The following VPS11 variants were observed in gnomAD, a reference collection of about 807,000 sequenced individuals.
VPS11 encodes the protein vacuolar protein sorting-associated protein 11 homolog.
In VPS11, 51 loss-of-function variants were observed where a neutral mutation model predicts 106.8. That is an observed-to-expected ratio of 0.48 (90% CI 0.38 to 0.60). The LOEUF (loss-of-function observed/expected upper bound fraction) is 0.60. VPS11 is among the 20% of genes least tolerant of loss of function. The pLI is 0.00. For synonymous variants in VPS11, 453 were observed against 458.7 expected, an observed-to-expected ratio of 0.99 and a Z score of 0.16; for missense variants, 950 against 1,190.0, an observed-to-expected ratio of 0.80 and a Z score of 2.97.
intron 4 of VPS11, 115 bp downstream of exon 4, chr11:119,070,512 A>G: frequency 1.7e-6 from 2 of 1,154,314 alleles, no homozygotes; most frequent in Non-Finnish European, 2.3e-6. Flanking sequence ...TAATCATATA[A>G]TTCGAATCAT....
At chr11:119,073,027 A>C in intron 5 of VPS11, 171 bp from the exon 6 acceptor site, 1 of 687,342 alleles carries the variant, frequency 1.5e-6, no homozygotes, top group Non-Finnish European at 2.4e-6. Context: ...GATCAGGTTT[A>C]TGTGTTCTCT....
In VPS11 at chr11:119,081,105, CA is replaced by C; in HGVS notation, c.2456del (p.Lys819ArgfsTer52). ...TCTTCCCTGTAGTCCTAAGATTTTCCAAAAGACCAAGTGCAGCATCTGTAAC... is the reference window on the plus strand; with the variant it reads ...TCTTCCCTGTAGTCCTAAGATTTTCCAAAGACCAAGTGCAGCATCTGTAAC... ...QELKASPKIF[Q>X]KTKCSICNSA... On this transcript the variant is annotated frameshift_variant, in exon 15 of 16. Transcript: ENST00000621676. LOFTEE classifies it high-confidence loss of function. The C allele has an allele frequency of 1.2e-6, 2 of 1,613,922 alleles. No individual in the cohort carries two copies. Among genetic ancestry groups the C allele is most frequent in the Non-Finnish European group, 1.7e-6 (2 of 1,179,810 alleles).
At chr11:119,076,744 C>T (rs1018850502) in intron 7 of VPS11, 153 bp from the exon 8 acceptor site, 1 of 888,336 alleles carries the variant, frequency 1.1e-6, no homozygotes, top group Admixed American at 2.3e-5. Context: ...CCGATATTAC[C>T]TGGGACTTTG....
At position 119,067,907 on chromosome 11, in the gene VPS11, T is replaced by C. The variant is rs1945182734; in HGVS notation, c.84T>C (p.Ala28=). ...AGCCGCTGAGCAATGATGGGGCCGC[T>C]CCCGGGGCCACACCTGCTTCTGGAT... ...VKEPLSNDGA[A]PGATPASGSA... is the part of the protein sequence containing the mutation. The change falls in exon 1 of 16, where the codon GCT becomes GCC. Residue 28 remains alanine, a synonymous_variant. Coordinates refer to ENST00000621676, the MANE Select transcript of VPS11 (RefSeq NM_021729.6). The C allele has an allele frequency of 2.5e-6, 4 of 1,604,828 alleles. No homozygotes were observed. The highest frequency in any genetic ancestry group is 2.2e-5 in the East Asian group (1 of 44,600).
At chr11:119,080,399 G>A (rs781816769) in intron 14 of VPS11, among the ~76,000 whole-genome samples, 1 of 146,058 alleles carries the variant, frequency 6.8e-6, no homozygotes, top group Admixed American at 6.9e-5. Context: ...ACGAAGTCTC[G>A]CTCTTGTCCC....
intron 15 of VPS11, 29 bp downstream of exon 15, chr11:119,081,343 G>A: frequency 6.2e-7 from 1 of 1,613,258 alleles, no homozygotes. Context: ...GATGGGCCAG[G>A]GGATTCCCAC....
At position 119,073,412 on chromosome 11, in the gene VPS11, G is replaced by C. The variant is rs782644592; in HGVS notation, c.1086+13G>C. 7.4e-6 allele frequency: 12 copies of C among 1,610,952 alleles called. No homozygotes were observed. The highest frequency in any genetic ancestry group is 1.0e-5 in the Non-Finnish European group (12 of 1,179,212). ...GACCAAACTGGAGGCAAGGCCACCAGGCTCGCAGAGCTGGCCACAGGCACC... is the reference window on the plus strand; with the variant it reads ...GACCAAACTGGAGGCAAGGCCACCACGCTCGCAGAGCTGGCCACAGGCACC... On this transcript the variant is annotated intron_variant, in intron 6 of 15. Coordinates refer to ENST00000621676, the MANE Select transcript of VPS11 (RefSeq NM_021729.6).
chr11:119,068,026 A>C lies in VPS11; in HGVS notation c.187+16A>C. The C allele has an allele frequency of 6.3e-7, 1 of 1,589,440 alleles. No individual in the cohort carries two copies. Among genetic ancestry groups the C allele is most frequent in the South Asian group, 1.1e-5 (1 of 89,116 alleles). On this transcript the variant is annotated intron_variant, in intron 1 of 15. Transcript: ENST00000621676. ...GTCTTTGGAGATATCCTTCGTTTGG[A>C]GCTGTCTTTTCCCTCCCGGGATCCC...
chr11:119,078,165 C>A lies in VPS11; in HGVS notation c.1762-8C>A, dbSNP rs781818338. ...TTCAGCCTCCTTTTTCCTCTCTTGC[C>A]ATCCTAGGCCAACTCTGAGGAGTTC... On this transcript the variant is annotated splice_region_variant and splice_polypyrimidine_tract_variant and intron_variant, in intron 10 of 15. Transcript: ENST00000621676. 3 of 1,612,502 alleles carry A rather than the reference C, an allele frequency of 1.9e-6. No homozygotes were observed. In the South Asian group the frequency reaches 3.3e-5, roughly 18 times the overall value.
At position 119,079,313 on chromosome 11, in the gene VPS11, T is replaced by TATGTGGAGGAGTCCAGG. The variant is rs1415618182; in HGVS notation, c.2438+13_2438+14insATGTGGAGGAGTCCAGG. The TATGTGGAGGAGTCCAGG allele has an allele frequency of 3.8e-6, 6 of 1,574,268 alleles. No individual in the cohort carries two copies. The Admixed American group carries it at 1.1e-4, about 30-fold the overall frequency. Reference sequence around the variant, plus strand: ...AGCTCAAGGCCAGGTACCCGGGGCATGGATATGTGGAGGAGTCCAGGGGAT... The same window carrying TATGTGGAGGAGTCCAGG: ...AGCTCAAGGCCAGGTACCCGGGGCATATGTGGAGGAGTCCAGGGGATATGTGGAGGAGTCCAGGGGAT... On this transcript the variant is annotated intron_variant, in intron 14 of 15. Transcript: ENST00000621676.
intron 5 of VPS11, 111 bp from the exon 6 acceptor site, chr11:119,073,087 G>C: frequency 2.4e-6 from 3 of 1,235,426 alleles, no homozygotes; most frequent in Non-Finnish European, 3.4e-6. Context: ...AGAGGGACCA[G>C]AGAGGTGATT....
chr11:119,072,343 A>G (rs1227574266), intron 5 of VPS11: 1 of 166,120 alleles, frequency 6.0e-6, no homozygotes, highest in Non-Finnish European at 1.3e-5. Context: ...GGTATTTGCT[A>G]CATAGCCCTA....
chr11:119,081,445 C>T lies in VPS11; in HGVS notation c.2662-14C>T. The T allele has an allele frequency of 1.2e-6, 2 of 1,613,966 alleles. No individual in the cohort carries two copies. The highest frequency in any genetic ancestry group is 1.7e-6 in the Non-Finnish European group (2 of 1,179,874). On this transcript the variant is annotated splice_polypyrimidine_tract_variant and intron_variant, in intron 15 of 15. Coordinates refer to ENST00000621676, the MANE Select transcript of VPS11 (RefSeq NM_021729.6). The stretch of plus-strand genomic sequence containing the variant: ...GATTCTGATTCGTATTCCTTCCCTC[C>T]TCTTCTCCTGCAGCTCAAGTGCTCC...
Position 119,071,828 on chromosome 11 carries a change from G to A in VPS11, c.869G>A (p.Arg290Gln), listed in dbSNP as rs534372363. Residue 290 changes from arginine to glutamine, a missense_variant, in exon 5 of 16, where the codon CGG becomes CAG. Around this residue, in one of 3 missense-constraint regions of VPS11, gnomAD observed 435 missense variants for 630.2 expected, o/e 0.69. Coordinates refer to ENST00000621676, the MANE Select transcript of VPS11 (RefSeq NM_021729.6). ...RGYLIIVSRDRKVSPKSEFTS... is the reference protein window; with the variant it reads ...RGYLIIVSRDQKVSPKSEFTS... ...TACCTTATCATTGTCTCCCGTGACC[G>A]GAAGGTTTCTCCCAAGTAAGGACTC... The A allele has an allele frequency of 1.5e-5, 25 of 1,612,942 alleles. No individual in the cohort carries two copies. Among genetic ancestry groups the A allele is most frequent in the Middle Eastern group, 1.7e-4 (1 of 6,024 alleles).
chr11:119,069,465 G>A lies in VPS11; in HGVS notation c.360G>A (p.Lys120=), dbSNP rs1375597232. The stretch of plus-strand genomic sequence containing the variant: ...AGGTTAAGATCTGGAACCTGGAGAA[G>A]AGAGATGGTGGCAATCCACTCTGCA... ...NPLVKIWNLE[K]RDGGNPLCTR... The change falls in exon 3 of 16, where the codon AAG becomes AAA. Residue 120 remains lysine (K), a synonymous_variant. Coordinates refer to ENST00000621676, the MANE Select transcript of VPS11 (RefSeq NM_021729.6). 4 of 1,613,896 alleles carry A rather than the reference G, an allele frequency of 2.5e-6. No homozygotes were observed. Among genetic ancestry groups the A allele is most frequent in the Middle Eastern group, 1.6e-4 (1 of 6,084 alleles).
At position 119,079,139 on chromosome 11, in the gene VPS11, C is replaced by G; in HGVS notation, c.2277C>G (p.Thr759=). 1 of 1,613,700 alleles carries G rather than the reference C, an allele frequency of 6.2e-7. No homozygotes were observed. Among genetic ancestry groups the G allele is most frequent in the South Asian group, 1.1e-5 (1 of 91,048 alleles). The change falls in exon 14 of 16, where the codon ACC becomes ACG. Residue 759 remains threonine, a synonymous_variant. Transcript: ENST00000621676. ...NLMPPLLVVQ[T]LAHNSTATLS... is the part of the protein sequence containing the mutation. ...GGACCCCAATCTCAGTGGTGCAGAC[C>G]CTGGCCCACAACTCCACAGCCACAC...
At chr11:119,075,482 A>G (rs1019825693) in intron 7 of VPS11, among the ~76,000 whole-genome samples, 1 of 148,680 alleles carries the variant, frequency 6.7e-6, no homozygotes, top group Non-Finnish European at 1.5e-5. Flanking sequence ...AGGCGGGTGG[A>G]TCACTTGAGG....
chr11:119,068,985 A>AGGTGATCC (rs1491142663), intron 1 of VPS11, among the ~76,000 whole-genome samples: 17 of 77,936 alleles, frequency 2.2e-4, no homozygotes, highest in African/African-American at 7.8e-4. Flanking sequence ...CCCTGACCTC[A>AGGTGATCC]GGTGATCCGC....
rs12294132 is a variant in VPS11 at position 119,073,688 on chromosome 11, C to T, written c.1087-112C>T. 1.5e-5 allele frequency: 19 copies of T among 1,235,562 alleles called. No homozygotes were observed. The African/African-American group carries it at 1.9e-4, about 13-fold the overall frequency. 76.5% of individuals were successfully genotyped at this position (1,235,562 alleles called of 1,614,324 possible). On this transcript the variant is annotated intron_variant, in intron 6 of 15. Coordinates refer to ENST00000621676, the MANE Select transcript of VPS11 (RefSeq NM_021729.6). ...TGGTAGCTCTTGGTTTGTCTAGGAT[C>T]TAGGCAGATCAGAAATCCAGGACTT...
Sources: allele counts gnomAD v4.1 joint callset (sites outside exome capture counted in the v4.1 genomes callset), GRCh38; gene constraint gnomAD v4.1.1; regional missense constraint gnomAD v4.1.1; transcripts MANE v1.5; gene names NCBI Gene and HGNC (gene_info 2026-07-23, HGNC 2026-07-21).